SPAG16: variants seen among roughly 807,000 people sequenced by gnomAD.
SPAG16 encodes the protein sperm-associated antigen 16 protein.
Under a neutral mutation model 80.4 loss-of-function variants are expected in SPAG16, and 86 were observed. The observed-to-expected ratio is 1.07, with a 90% CI of 0.90 to 1.28. SPAG16 has a LOEUF of 1.28. SPAG16 is among the 50% of genes most tolerant of loss of function. SPAG16 has a pLI of 0.00. For synonymous variants in SPAG16, 294 were observed against 265.9 expected (o/e 1.11, Z -1.03); for missense variants, 870 against 765.3 (o/e 1.14, Z -1.61).
chr2:214,032,624 C>T (rs2048471239), intron 13 of SPAG16, among the ~76,000 whole-genome samples: 1 of 152,150 alleles, frequency 6.6e-6, no homozygotes, highest in Non-Finnish European at 1.5e-5. Flanking sequence ...AAAGATGCCA[C>T]TGGATTTACA....
chr2:213,733,746 G>A (rs984391605), intron 10 of SPAG16, among the ~76,000 whole-genome samples: 8 of 151,990 alleles, frequency 5.3e-5, no homozygotes, highest in Non-Finnish European at 1.0e-4. Context: ...GACTTCTGTT[G>A]TGTTTCTCTT....
chr2:213,506,895 G>A (rs901516917), intron 10 of SPAG16, among the ~76,000 whole-genome samples: 3 of 152,124 alleles, frequency 2.0e-5, no homozygotes, highest in Non-Finnish European at 1.5e-5. Context: ...CTTCTTTCAT[G>A]GTAGCAAAAT....
At chr2:213,374,926 GT>G in intron 8 of SPAG16, 83 bp from the exon 9 acceptor site, 1 of 914,750 alleles carries the variant, frequency 1.1e-6, no homozygotes, top group Non-Finnish European at 1.6e-6. Flanking sequence ...CATCATTGAG[GT>G]TTTGGTTTTC....
intron 15 of SPAG16, among the ~76,000 whole-genome samples, chr2:214,233,206 G>C (rs1379698053): frequency 6.6e-6 from 1 of 152,008 alleles, no homozygotes; most frequent in Non-Finnish European, 1.5e-5. Flanking sequence ...AGTGGCACAA[G>C]AGGGTTATCT....
intron 6 of SPAG16, among the ~76,000 whole-genome samples, chr2:213,345,720 G>A (rs1229748164): frequency 5.4e-5 from 8 of 149,090 alleles, no homozygotes; most frequent in Non-Finnish European, 1.0e-4. Context: ...TGAGGGCTCT[G>A]TTCTGTTCCA....
At chr2:213,294,245 G>GTT (rs1408738711) in intron 1 of SPAG16, among the ~76,000 whole-genome samples, 1 of 152,172 alleles carries the variant, frequency 6.6e-6, no homozygotes, top group Non-Finnish European at 1.5e-5. Context: ...GGAGTAGGGT[G>GTT]TTAAATAAGA....
intron 14 of SPAG16, among the ~76,000 whole-genome samples, chr2:214,132,779 T>C (rs753271687): frequency 1.3e-5 from 2 of 152,168 alleles, no homozygotes; most frequent in Non-Finnish European, 2.9e-5. Flanking sequence ...CAAATTTACA[T>C]TTGAGAGTCT....
rs1157229396 is a variant in SPAG16, at chr2:213,296,052, C to T, written c.137-12C>T. On this transcript the variant is annotated splice_polypyrimidine_tract_variant and intron_variant, in intron 1 of 15. Transcript: ENST00000331683. ...TATATTTTTTGAGATTAAAACTTGA[C>T]AAGATATTCAGAGGTCACCATAACT... 4 of 1,605,606 alleles carry T rather than the reference C, an allele frequency of 2.5e-6. No homozygotes were observed.
At chr2:213,401,463 A>G (rs16825083) in intron 9 of SPAG16, among the ~76,000 whole-genome samples, 14,964 of 152,220 alleles carry the variant, frequency 0.098, 1,930 homozygotes, top group African/African-American at 0.3. Flanking sequence ...TATAAAACTC[A>G]AGAACTGGTG....
At chr2:214,361,368 G>A (rs1639607862) in intron 15 of SPAG16, among the ~76,000 whole-genome samples, 1 of 151,738 alleles carries the variant, frequency 6.6e-6, no homozygotes, top group Non-Finnish European at 1.5e-5. Flanking sequence ...TAGTTATCAA[G>A]TAAATGAAAA....
chr2:213,309,398 A>G (rs1305717237), intron 3 of SPAG16, among the ~76,000 whole-genome samples: 2 of 152,084 alleles, frequency 1.3e-5, no homozygotes, highest in Non-Finnish European at 2.9e-5. Context: ...GTTGTCACTA[A>G]TTATTTTCTC....
intron 11 of SPAG16, among the ~76,000 whole-genome samples, chr2:213,874,987 G>C (rs976867498): frequency 6.6e-5 from 10 of 152,120 alleles, no homozygotes; most frequent in African/African-American, 2.2e-4. Flanking sequence ...CTGTTGCCCT[G>C]GTTGGAGTGC....
chr2:213,343,314 G>A (rs553835941), intron 6 of SPAG16, among the ~76,000 whole-genome samples: 45 of 152,202 alleles, frequency 3.0e-4, no homozygotes, highest in Non-Finnish European at 5.4e-4. Context: ...ACAAAGTGTT[G>A]CTTTAGAATT....
chr2:213,711,486 GC>G (rs1304328163), intron 10 of SPAG16, among the ~76,000 whole-genome samples: 1 of 138,582 alleles, frequency 7.2e-6, no homozygotes, highest in Non-Finnish European at 1.6e-5. Flanking sequence ...ATATATTTTT[GC>G]CTATAATAAT....
chr2:214,173,684 CA>C (rs2056965387), intron 15 of SPAG16, among the ~76,000 whole-genome samples: 1 of 151,806 alleles, frequency 6.6e-6, no homozygotes, highest in Non-Finnish European at 1.5e-5. Flanking sequence ...GAAACTATTC[CA>C]ATCAATAGAA....
At chr2:214,195,926 T>C (rs2057824089) in intron 15 of SPAG16, among the ~76,000 whole-genome samples, 1 of 152,034 alleles carries the variant, frequency 6.6e-6, no homozygotes, top group African/African-American at 2.4e-5. Context: ...GAGAGAGTGA[T>C]ATTAGTAAAA....
intron 10 of SPAG16, among the ~76,000 whole-genome samples, chr2:213,528,221 C>T (rs761981485): frequency 2.6e-5 from 4 of 151,676 alleles, no homozygotes; most frequent in Non-Finnish European, 5.9e-5. Context: ...GGTGAAACTC[C>T]AATATTATGT....
intron 13 of SPAG16, among the ~76,000 whole-genome samples, chr2:214,065,318 G>A (rs535153150): frequency 5.9e-5 from 9 of 151,918 alleles, no homozygotes; most frequent in African/African-American, 9.7e-5. Context: ...ACCTCAAATC[G>A]ATTATAAATC....
intron 6 of SPAG16, among the ~76,000 whole-genome samples, chr2:213,344,524 C>T (rs1212003767): frequency 6.6e-6 from 1 of 152,110 alleles, no homozygotes. Flanking sequence ...TGCTATCCCT[C>T]TCCACTTCCC....
Sources: allele counts gnomAD v4.1 joint callset (sites outside exome capture counted in the v4.1 genomes callset), GRCh38; gene constraint gnomAD v4.1.1; transcripts MANE v1.5; gene names NCBI Gene and HGNC (gene_info 2026-07-23, HGNC 2026-07-21).